Variants in SLC17A9 observed in about 807,000 individuals in gnomAD.
SLC17A9 encodes the protein voltage-gated purine nucleotide uniporter SLC17A9.
SLC17A9 carries 49 observed loss-of-function variants against 55.0 expected under a neutral mutation model. That is an observed-to-expected ratio of 0.89 (90% CI 0.71 to 1.13). SLC17A9 has a LOEUF of 1.13. Among genes scored for constraint, SLC17A9 ranks in the 50% most tolerant of loss-of-function variants. SLC17A9 has a pLI of 0.00. For missense variants in SLC17A9, 526 were observed against 569.3 expected (o/e 0.92, Z 0.77); for synonymous variants, 256 against 247.4 (o/e 1.03, Z -0.32).
chr20:62,952,759 G>C lies in SLC17A9; in HGVS notation c.-72G>C, dbSNP rs62200666. On this transcript the variant is annotated 5_prime_UTR_variant, in exon 1 of 13. Coordinates refer to ENST00000370351, the MANE Select transcript of SLC17A9 (RefSeq NM_022082.4). ...CGTGGACTTGGGCGGTGCTGCCCGG[G>C]TGGGTCAGCCTGGGCTGGGAGGCAG... The C allele has an allele frequency of 1.5e-5, 22 of 1,479,322 alleles. No individual in the cohort carries two copies. Among genetic ancestry groups the C allele is most frequent in the Non-Finnish European group, 1.4e-5 (16 of 1,104,762 alleles). The allele number at this position is 1,479,322 out of a possible 1,614,324, so 91.6% of individuals were successfully genotyped here.
At chr20:62,959,119 C>T (rs1030768075) in intron 3 of SLC17A9, among the ~76,000 whole-genome samples, 2 of 152,046 alleles carry the variant, frequency 1.3e-5, no homozygotes, top group Admixed American at 1.3e-4. Context: ...GGAGGGTCTT[C>T]GGGGTGAGGG....
In SLC17A9 at chr20:62,965,436, C is replaced by T. The variant is rs530822650; in HGVS notation, c.946-174C>T. On this transcript the variant is annotated intron_variant, in intron 9 of 12. Transcript: ENST00000370351. ...TCCCTTGGAGCGGGGCTGATTCTTG[C>T]GGAGACTCCTCCCAGACCTCCTCTA... Among the ~76,000 whole-genome samples, 15 of 152,330 alleles carry T rather than the reference C, an allele frequency of 9.8e-5. No individual in the cohort carries two copies. The South Asian group carries it at 1.9e-3, about 19-fold the overall frequency.
rs374115637 is a variant in SLC17A9 at position 62,963,687 on chromosome 20, C to T, written c.822+7C>T. On this transcript the variant is annotated splice_region_variant and intron_variant, in intron 7 of 12. Coordinates refer to ENST00000370351, the MANE Select transcript of SLC17A9 (RefSeq NM_022082.4). ...GACCTTCCCCGACGCCAAGGTGAGTCGGGGGCTCCCGCAGGGTGAAGGAGC... is the reference window on the plus strand; with the variant it reads ...GACCTTCCCCGACGCCAAGGTGAGTTGGGGGCTCCCGCAGGGTGAAGGAGC... 2.9e-5 allele frequency: 46 copies of T among 1,576,418 alleles called. No homozygotes were observed. The highest frequency in any genetic ancestry group is 1.7e-4 in the Middle Eastern group (1 of 5,996).
intron 3 of SLC17A9, 63 bp from the exon 4 acceptor site, chr20:62,960,441 C>T: frequency 6.8e-7 from 1 of 1,480,946 alleles, no homozygotes; most frequent in Non-Finnish European, 9.3e-7. Flanking sequence ...CAAACCTGAG[C>T]AGATAGGCCG....
chr20:62,955,532 G>A (rs2147644200), intron 1 of SLC17A9, among the ~76,000 whole-genome samples: 1 of 151,560 alleles, frequency 6.6e-6, no homozygotes, highest in African/African-American at 2.4e-5. Context: ...GGCTGCTCTT[G>A]AACTCTTGGG....
At chr20:62,960,391 G>A in intron 3 of SLC17A9, 113 bp from the exon 4 acceptor site, 1 of 945,708 alleles carries the variant, frequency 1.1e-6, no homozygotes, top group South Asian at 1.5e-5. Flanking sequence ...GTGGGGAGGT[G>A]AGCTAGAGGG....
chr20:62,964,116 A>C, intron 7 of SLC17A9, 112 bp from the exon 8 acceptor site: 1 of 1,061,508 alleles, frequency 9.4e-7, no homozygotes, highest in Non-Finnish European at 1.5e-6. Context: ...GCCCTGCCGG[A>C]GAGCTTTCCT....
At position 62,964,215 on chromosome 20, in the gene SLC17A9, C is replaced by A. The variant is rs1475466802; in HGVS notation, c.823-13C>A. ...GGCCCTGGCCCCCTCTAAGGCCAAA[C>A]TCCCCCCTGCAGGGCTGGATCTTCA... is the stretch of plus-strand genomic sequence containing the variant. On this transcript the variant is annotated splice_polypyrimidine_tract_variant and intron_variant, in intron 7 of 12. Coordinates refer to ENST00000370351, the MANE Select transcript of SLC17A9 (RefSeq NM_022082.4). 9 of 1,613,984 alleles carry A rather than the reference C, an allele frequency of 5.6e-6. No individual in the cohort carries two copies. Among genetic ancestry groups the A allele is most frequent in the African/African-American group, 1.3e-5 (1 of 75,058 alleles).
chr20:62,956,796 C>G lies in SLC17A9; in HGVS notation c.91C>G (p.Leu31Val). 1 of 1,612,600 alleles carries G rather than the reference C, an allele frequency of 6.2e-7. No individual in the cohort carries two copies. Among genetic ancestry groups the G allele is most frequent in the Non-Finnish European group, 8.5e-7 (1 of 1,179,870 alleles). Reference protein sequence around the residue: ...PECQAWTGTLLLGTCLLYCAR... With the variant: ...PECQAWTGTLVLGTCLLYCAR... Reference sequence around the variant, plus strand: ...GTGCCAGGCATGGACGGGGACGCTGCTGCTGGGCACATGCCTTCTGTACTG... The same window carrying G: ...GTGCCAGGCATGGACGGGGACGCTGGTGCTGGGCACATGCCTTCTGTACTG... Residue 31 changes from leucine (L) to valine (V), a missense_variant, in exon 2 of 13, where the codon CTG becomes GTG. Transcript: ENST00000370351.
intron 3 of SLC17A9, 41 bp from the exon 4 acceptor site, chr20:62,960,463 C>T: frequency 1.3e-6 from 2 of 1,582,172 alleles, no homozygotes; most frequent in Admixed American, 1.8e-5. Context: ...GAGGAGCCTC[C>T]CTGGATGGAC....
At chr20:62,954,529 C>G (rs961643152) in intron 1 of SLC17A9, among the ~76,000 whole-genome samples, 43 of 152,364 alleles carry the variant, frequency 2.8e-4, no homozygotes, top group Non-Finnish European at 4.1e-4. Flanking sequence ...TGGGAGGAAG[C>G]TGTTCAAGCT....
intron 2 of SLC17A9, 84 bp from the exon 3 acceptor site, chr20:62,957,356 AC>A: frequency 6.6e-7 from 1 of 1,507,594 alleles, no homozygotes; most frequent in Non-Finnish European, 8.8e-7. Flanking sequence ...AGCTCTGAGC[AC>A]CCACTCAAGG....
In SLC17A9 at chr20:62,962,956, T is replaced by A; in HGVS notation, c.628+202T>A. On this transcript the variant is annotated intron_variant, in intron 5 of 12. Coordinates refer to ENST00000370351, the MANE Select transcript of SLC17A9 (RefSeq NM_022082.4). The surrounding 1 kb of genome is among the most constrained non-coding windows in gnomAD (Gnocchi z 5.5). ...CCAATTCGATCTGGAAGGTTCCATC[T>A]AGGGCTAAGGCAGACACCCAGGAAG... 1.3e-6 allele frequency: 1 copy of A among 762,510 alleles called. No homozygotes were observed. The highest frequency in any genetic ancestry group is 2.1e-6 in the Non-Finnish European group (1 of 487,014). The allele number at this position is 762,510 out of a possible 1,614,324, so 47.2% of individuals were successfully genotyped here.
At position 62,956,785 on chromosome 20, in the gene SLC17A9, C is replaced by T. The variant is rs147072738; in HGVS notation, c.80C>T (p.Thr27Met). 89 of 1,612,220 alleles carry T rather than the reference C, an allele frequency of 5.5e-5. 1 individual carries two copies. The highest frequency in any genetic ancestry group is 5.0e-4 in the Middle Eastern group (3 of 6,008). ...CACAGGCCCGAGTGCCAGGCATGGA[C>T]GGGGACGCTGCTGCTGGGCACATGC... Reference protein sequence around the residue: ...QWSRPECQAWTGTLLLGTCLL... With the variant: ...QWSRPECQAWMGTLLLGTCLL... Residue 27 changes from threonine (T) to methionine (M), a missense_variant, in exon 2 of 13, where the codon ACG becomes ATG. Coordinates refer to ENST00000370351, the MANE Select transcript of SLC17A9 (RefSeq NM_022082.4).
intron 1 of SLC17A9, among the ~76,000 whole-genome samples, chr20:62,953,763 G>T (rs1276770002): frequency 6.6e-6 from 1 of 152,224 alleles, no homozygotes; most frequent in African/African-American, 2.4e-5. Flanking sequence ...GAAGTGCTGG[G>T]AAGAGTTGTA....
chr20:62,960,459 C>G (rs945885905), intron 3 of SLC17A9, 45 bp from the exon 4 acceptor site: 2 of 1,568,038 alleles, frequency 1.3e-6, no homozygotes, highest in Non-Finnish European at 1.7e-6. Flanking sequence ...CCGGGAGGAG[C>G]CTCCCTGGAT....
chr20:62,966,488 G>C lies in SLC17A9; in HGVS notation c.1062-37G>C, dbSNP rs200274218. On this transcript the variant is annotated intron_variant, in intron 10 of 12. Coordinates refer to ENST00000370351, the MANE Select transcript of SLC17A9 (RefSeq NM_022082.4). ...AACCCTGGGCCACCAGCTCGGTGGT[G>C]GCCAGGGCCACTCACCACCCTCTTT... 426 of 1,609,894 alleles carry C rather than the reference G, an allele frequency of 2.6e-4. 1 individual carries two copies. In the African/African-American group the frequency reaches 5.3e-3, roughly 20 times the overall value.
At chr20:62,954,924 T>C (rs529426127) in intron 1 of SLC17A9, among the ~76,000 whole-genome samples, 30 of 152,304 alleles carry the variant, frequency 2.0e-4, no homozygotes, top group African/African-American at 6.7e-4. Context: ...GGCCAGGCAG[T>C]GCGGGGCAGG....
At chr20:62,963,503 G>A (rs563224821) in intron 6 of SLC17A9, 81 bp from the exon 7 acceptor site, 87 of 1,518,802 alleles carry the variant, frequency 5.7e-5, no homozygotes, top group Non-Finnish European at 5.3e-5. Context: ...TGGCCCCCAG[G>A]GGACGCCTCT....
Sources: allele counts gnomAD v4.1 joint callset (sites outside exome capture counted in the v4.1 genomes callset), GRCh38; gene constraint gnomAD v4.1.1; non-coding constraint Gnocchi (gnomAD v3.1); transcripts MANE v1.5; gene names NCBI Gene and HGNC (gene_info 2026-07-23, HGNC 2026-07-21).